Variants in AIM2 observed in about 807,000 individuals in gnomAD.
The protein encoded by AIM2 is interferon-inducible protein AIM2.
In AIM2, 30 loss-of-function variants were observed where a neutral mutation model predicts 27.7. That is an observed-to-expected ratio of 1.08 (90% CI 0.81 to 1.47). The LOEUF (loss-of-function observed/expected upper bound fraction) is 1.47. AIM2 is among the 40% of genes most tolerant of loss of function. The pLI is 0.00. For missense variants in AIM2, 358 were observed against 411.3 expected (o/e 0.87, Z 1.12); for synonymous variants, 141 against 145.3 (o/e 0.97, Z 0.21).
At chr1:159,139,641 C>G (rs954686478) in intron 1 of AIM2, among the ~76,000 whole-genome samples, 1 of 152,186 alleles carries the variant, frequency 6.6e-6, no homozygotes, top group African/African-American at 2.4e-5. Context: ...AAGACAAAAT[C>G]AGGCTTGGGG....
the AIM2 span, among the ~76,000 whole-genome samples, chr1:159,055,593 C>T: frequency 6.6e-6 from 1 of 152,226 alleles, no homozygotes; most frequent in African/African-American, 2.4e-5. Flanking sequence ...ACCGACTGCT[C>T]TTCACGCACT....
At chr1:159,084,126 G>C (rs900089125) in intron 1 of AIM2, among the ~76,000 whole-genome samples, 14 of 152,188 alleles carry the variant, frequency 9.2e-5, no homozygotes, top group Admixed American at 7.2e-4. Flanking sequence ...ATTTGCTCAA[G>C]GGTACCCTGC....
chr1:159,059,283 C>CAT (rs1462398244), downstream of AIM2, among the ~76,000 whole-genome samples: 7 of 151,872 alleles, frequency 4.6e-5, no homozygotes, highest in Admixed American at 1.3e-4. Flanking sequence ...CACACACACA[C>CAT]ATATATATAT....
chr1:159,144,821 C>T (rs1648173976), upstream of AIM2, among the ~76,000 whole-genome samples: 1 of 152,110 alleles, frequency 6.6e-6, no homozygotes, highest in African/African-American at 2.4e-5. Context: ...CAATTAAATC[C>T]TACATCCTAC....
upstream of AIM2, among the ~76,000 whole-genome samples, chr1:159,080,401 A>G (rs1327664944): frequency 6.6e-6 from 1 of 152,240 alleles, no homozygotes; most frequent in South Asian, 2.1e-4. Flanking sequence ...TTGTCCATAG[A>G]TTTCTTAAAA....
chr1:159,097,322 G>T (rs577928186), intron 1 of AIM2, among the ~76,000 whole-genome samples: 2 of 152,182 alleles, frequency 1.3e-5, no homozygotes. Flanking sequence ...GAAGGAATTA[G>T]AAGCAGAGGC....
chr1:159,128,963 G>C (rs1647798727), intron 1 of AIM2, among the ~76,000 whole-genome samples: 1 of 152,166 alleles, frequency 6.6e-6, no homozygotes. Flanking sequence ...CCTAACTGCA[G>C]TGGATTGAAC....
downstream of AIM2, among the ~76,000 whole-genome samples, chr1:159,061,825 T>G (rs371467220): frequency 3.0e-3 from 458 of 151,812 alleles, 6 homozygotes; most frequent in African/African-American, 0.01. Flanking sequence ...TTGATGAAGT[T>G]CAAATTATTA....
At chr1:159,099,944 C>G (rs962318833) in intron 1 of AIM2, among the ~76,000 whole-genome samples, 8 of 152,230 alleles carry the variant, frequency 5.3e-5, no homozygotes, top group Non-Finnish European at 1.2e-4. Flanking sequence ...CATTCTTACT[C>G]CCAGCCTTTC....
intron 1 of AIM2, among the ~76,000 whole-genome samples, chr1:159,115,589 T>C (rs528187471): frequency 2.1e-3 from 313 of 152,302 alleles, no homozygotes; most frequent in African/African-American, 6.9e-3. Context: ...GGGGAAACGA[T>C]TCCCTATTTA....
intron 1 of AIM2, among the ~76,000 whole-genome samples, chr1:159,137,152 T>G (rs1040166249): frequency 3.3e-5 from 5 of 152,236 alleles, no homozygotes; most frequent in Non-Finnish European, 7.3e-5. Context: ...CCTCCAAGCC[T>G]TATGTCAGTG....
Position 159,127,435 on chromosome 1 carries a change from C to T in AIM2, c.-16+12996G>A, listed in dbSNP as rs181028142. ...TGAATGTCTGTGTCCCCACAAAATT[C>T]CTATGTTGAAATCCCAATCCCAATG... On this transcript the variant is annotated intron_variant, in intron 1 of 2. Coordinates refer to the AIM2 transcript ENST00000368129. 3.2e-3 allele frequency among the ~76,000 whole-genome samples: 485 copies of T among 152,290 alleles called. 4 individuals carry two copies. The highest frequency in any genetic ancestry group is 3.4e-3 in the Middle Eastern group (1 of 294).
intron 1 of AIM2, among the ~76,000 whole-genome samples, chr1:159,115,253 A>T (rs528126381): frequency 1.3e-3 from 205 of 152,324 alleles, no homozygotes; most frequent in African/African-American, 4.7e-3. Context: ...AAATGGCCAT[A>T]CTGCCCAAGG....
intron 1 of AIM2, among the ~76,000 whole-genome samples, chr1:159,113,313 G>A (rs531580569): frequency 1.3e-5 from 2 of 152,180 alleles, no homozygotes; most frequent in African/African-American, 4.8e-5. Context: ...CTCTTCCCCA[G>A]GCCCTACATT....
chr1:159,076,170 G>C (rs1219800897), intron 1 of AIM2, among the ~76,000 whole-genome samples: 1 of 152,140 alleles, frequency 6.6e-6, no homozygotes, highest in African/African-American at 2.4e-5. Context: ...CAATCAGCTT[G>C]GATGATTCCT....
At chr1:159,124,707 C>A (rs904567450) in intron 1 of AIM2, among the ~76,000 whole-genome samples, 1 of 152,136 alleles carries the variant, frequency 6.6e-6, no homozygotes, top group African/African-American at 2.4e-5. Flanking sequence ...GAGAACAACC[C>A]CTCAGATCAC....
chr1:159,084,586 A>T lies in AIM2; in HGVS notation c.-15-18257T>A, dbSNP rs1440987008. Among the ~76,000 whole-genome samples the T allele has an allele frequency of 2.1e-5, 3 of 141,448 alleles. No individual in the cohort carries two copies. In the East Asian group the frequency reaches 6.6e-4, roughly 31 times the overall value. The allele number at this position is 141,448 out of a possible 152,430, so 92.8% of individuals were successfully genotyped here. On this transcript the variant is annotated intron_variant, in intron 1 of 2. Transcript: ENST00000368129. ...CAGGAGTTCAAGTCCAGCCTGAGCA[A>T]AAAACGGCGACCTTATCTCTCCAAA...
intron 2 of AIM2, among the ~76,000 whole-genome samples, chr1:159,069,746 T>C (rs1039051316): frequency 2.0e-5 from 3 of 152,164 alleles, no homozygotes; most frequent in African/African-American, 4.8e-5. Context: ...GGTTTCACCA[T>C]GTTGTTAAGG....
At chr1:159,146,903 C>T (rs1003849047) in intron 1 of AIM2, 2 of 152,140 alleles carry the variant, frequency 1.3e-5, no homozygotes, top group African/African-American at 4.8e-5. Context: ...ACTTGCCCAC[C>T]ATCCTTTTAG....
Sources: gnomAD v4.1 joint callset for allele counts (sites outside exome capture counted in the v4.1 genomes callset) on GRCh38, gnomAD v4.1.1 for gene constraint, MANE v1.5 for transcripts, NCBI Gene and HGNC (gene_info 2026-07-23, HGNC 2026-07-21) for gene names.